FHIT: variants seen among roughly 807,000 people sequenced by gnomAD.
The protein encoded by FHIT is bis(5'-adenosyl)-triphosphatase.
FHIT carries 19 observed loss-of-function variants against 17.9 expected under a neutral mutation model. The ratio of observed to expected loss-of-function variants is 1.06; its 90% CI spans 0.74 to 1.56. The LOEUF is 1.56. Among genes scored for constraint, FHIT ranks in the 40% most tolerant of loss-of-function variants. The pLI is 0.00. For missense variants in FHIT, 248 were observed against 189.2 expected (o/e 1.31, Z -1.82); for synonymous variants, 81 against 69.7 (o/e 1.16, Z -0.81).
At chr3:59,858,567 A>C (rs1033317732) in intron 8 of FHIT, among the ~76,000 whole-genome samples, 3 of 151,920 alleles carry the variant, frequency 2.0e-5, no homozygotes, top group South Asian at 4.2e-4. Flanking sequence ...GCATCTGAGG[A>C]GGCAGGAGCG....
chr3:60,534,439 CAAAAA>C (rs563992117), intron 5 of FHIT, among the ~76,000 whole-genome samples: 47 of 32,402 alleles, frequency 1.5e-3, no homozygotes, highest in Admixed American at 4.1e-3. Context: ...GACTCCGTCT[CAAAAA>C]AAAAAAAAAA....
chr3:60,292,635 C>A (rs72872880), intron 5 of FHIT, among the ~76,000 whole-genome samples: 3,342 of 152,158 alleles, frequency 0.022, 121 homozygotes, highest in African/African-American at 0.075. Context: ...TTAGATGTAA[C>A]TAAATTGCCG....
At chr3:60,119,697 A>G (rs1379618435) in intron 5 of FHIT, among the ~76,000 whole-genome samples, 1 of 152,174 alleles carries the variant, frequency 6.6e-6, no homozygotes, top group Non-Finnish European at 1.5e-5. Context: ...TCCTATGGTC[A>G]GCATCTAACC....
chr3:60,802,884 T>C (rs1227310803), intron 4 of FHIT, among the ~76,000 whole-genome samples: 2 of 152,204 alleles, frequency 1.3e-5, no homozygotes, highest in Non-Finnish European at 2.9e-5. Flanking sequence ...CCTCCATCTT[T>C]CCTGAATCTT....
At chr3:60,932,279 A>C (rs1337302280) in intron 3 of FHIT, among the ~76,000 whole-genome samples, 1 of 152,134 alleles carries the variant, frequency 6.6e-6, no homozygotes, top group African/African-American at 2.4e-5. Context: ...CTTATCCTAC[A>C]GTTTAAGTAT....
At chr3:61,223,285 G>C (rs2039886741) in intron 1 of FHIT, among the ~76,000 whole-genome samples, 1 of 152,122 alleles carries the variant, frequency 6.6e-6, no homozygotes, top group Admixed American at 6.5e-5. Context: ...TTGACCTCTT[G>C]GCATGTGTTT....
chr3:60,539,952 T>C (rs1221708497), intron 4 of FHIT, among the ~76,000 whole-genome samples: 1 of 149,160 alleles, frequency 6.7e-6, no homozygotes, highest in Non-Finnish European at 1.5e-5. Flanking sequence ...AAAATATATA[T>C]ATATAAATAA....
intron 2 of FHIT, among the ~76,000 whole-genome samples, chr3:61,183,681 A>C (rs2038413834): frequency 6.6e-6 from 1 of 152,242 alleles, no homozygotes; most frequent in African/African-American, 2.4e-5. Flanking sequence ...GTATATCAAA[A>C]GCCAAAAAGC....
chr3:60,444,547 G>T (rs1284436771), intron 5 of FHIT, among the ~76,000 whole-genome samples: 1 of 152,144 alleles, frequency 6.6e-6, no homozygotes, highest in Non-Finnish European at 1.5e-5. Flanking sequence ...CCTTTGTAGG[G>T]ATGTGGATGA....
At chr3:60,647,888 C>T (rs1315906482) in intron 4 of FHIT, among the ~76,000 whole-genome samples, 1 of 152,122 alleles carries the variant, frequency 6.6e-6, no homozygotes, top group Non-Finnish European at 1.5e-5. Flanking sequence ...AATTTATATA[C>T]CTGGTGGCTT....
chr3:60,185,812 C>T (rs558652068), intron 5 of FHIT, among the ~76,000 whole-genome samples: 2 of 152,152 alleles, frequency 1.3e-5, no homozygotes, highest in South Asian at 4.2e-4. Context: ...TTGGTATTTG[C>T]TCTACATCCT....
intron 5 of FHIT, among the ~76,000 whole-genome samples, chr3:60,306,326 T>C (rs1708670413): frequency 6.6e-6 from 1 of 152,176 alleles, no homozygotes; most frequent in Non-Finnish European, 1.5e-5. Flanking sequence ...CATCCCGCAT[T>C]ATTTCACTGG....
chr3:60,942,411 T>C (rs891103995), intron 3 of FHIT, among the ~76,000 whole-genome samples: 3 of 152,186 alleles, frequency 2.0e-5, no homozygotes, highest in Non-Finnish European at 4.4e-5. Flanking sequence ...ATCATGGATA[T>C]ATATACATAG....
intron 2 of FHIT, among the ~76,000 whole-genome samples, chr3:61,159,898 T>C (rs1388036240): frequency 6.6e-6 from 1 of 152,220 alleles, no homozygotes; most frequent in Non-Finnish European, 1.5e-5. Context: ...GATGCCTATG[T>C]GCACATGCCT....
chr3:61,216,761 C>G (rs548912794), intron 1 of FHIT, among the ~76,000 whole-genome samples: 5 of 152,202 alleles, frequency 3.3e-5, no homozygotes, highest in African/African-American at 4.8e-5. Context: ...CCAACAATGA[C>G]AGACTGGATT....
At chr3:60,071,020 T>G (rs1393656517) in intron 5 of FHIT, among the ~76,000 whole-genome samples, 2 of 152,192 alleles carry the variant, frequency 1.3e-5, no homozygotes, top group Non-Finnish European at 2.9e-5. Flanking sequence ...AAAGGTCACA[T>G]AAACTTTACC....
intron 7 of FHIT, among the ~76,000 whole-genome samples, chr3:59,961,450 C>G (rs1707676378): frequency 6.6e-6 from 1 of 152,176 alleles, no homozygotes; most frequent in Admixed American, 6.5e-5. Context: ...CTGAAATCCA[C>G]TGATGTACGG....
chr3:60,819,990 T>G (rs1553738835), intron 4 of FHIT, among the ~76,000 whole-genome samples: 1 of 152,124 alleles, frequency 6.6e-6, no homozygotes, highest in Non-Finnish European at 1.5e-5. Flanking sequence ...CAATATATTT[T>G]ATATTGACAG....
At chr3:61,114,684 T>A (rs1387889143) in intron 2 of FHIT, among the ~76,000 whole-genome samples, 1 of 152,176 alleles carries the variant, frequency 6.6e-6, no homozygotes, top group Non-Finnish European at 1.5e-5. Context: ...CCTTTGACCC[T>A]GTCCTGTTAA....
Sources: allele counts gnomAD v4.1 joint callset (sites outside exome capture counted in the v4.1 genomes callset), GRCh38; gene constraint gnomAD v4.1.1; transcripts MANE v1.5; gene names NCBI Gene and HGNC (gene_info 2026-07-23, HGNC 2026-07-21).